Variants in COL4A1 observed in about 807,000 individuals in gnomAD.
The protein encoded by COL4A1 is collagen alpha-1(IV) chain.
A neutral mutation model predicts 216.6 loss-of-function variants in COL4A1; 40 were observed. That is an observed-to-expected ratio of 0.18 (90% CI 0.14 to 0.24). The LOEUF is 0.24. COL4A1 is among the 10% of genes least tolerant of loss of function. The pLI, the probability that COL4A1 is intolerant of heterozygous loss-of-function variation, is 1.00. For synonymous variants in COL4A1, 839 were observed against 810.7 expected (o/e 1.03, Z -0.59); for missense variants, 1,628 against 2,196.8 (o/e 0.74, Z 5.18).
At chr13:110,288,612 T>C (rs1004069386) in intron 1 of COL4A1, among the ~76,000 whole-genome samples, 5 of 152,234 alleles carry the variant, frequency 3.3e-5, no homozygotes, top group Non-Finnish European at 7.3e-5. Flanking sequence ...AATGAAATAA[T>C]GAACACTGAT....
chr13:110,234,577 A>T (rs1482465944), intron 2 of COL4A1, among the ~76,000 whole-genome samples: 1 of 152,096 alleles, frequency 6.6e-6, no homozygotes, highest in Admixed American at 6.6e-5. Flanking sequence ...GTGAGACTCC[A>T]TCTCAAAAAA....
At position 110,263,836 on chromosome 13, in the gene COL4A1, C is replaced by CT. The variant is rs1882923068; in HGVS notation, c.85-21103dup. Among the ~76,000 whole-genome samples the CT allele has an allele frequency of 2.0e-5, 3 of 152,210 alleles. No individual in the cohort carries two copies. In the East Asian group the frequency reaches 5.8e-4, roughly 29 times the overall value. The stretch of plus-strand genomic sequence containing the variant: ...AACTTTAAAGAAATGTAAGTTTAGG[C>CT]TATCAACATTAGGGCCAAGTAAAAA... On this transcript the variant is annotated intron_variant, in intron 1 of 51. Coordinates refer to ENST00000375820, the MANE Select transcript of COL4A1 (RefSeq NM_001845.6).
chr13:110,198,343 G>C (rs1025266747), intron 21 of COL4A1, 124 bp downstream of exon 21: 4 of 1,002,712 alleles, frequency 4.0e-6, no homozygotes, highest in Non-Finnish European at 6.0e-6. Flanking sequence ...TGGATGATTA[G>C]AAGAATCCAC....
At chr13:110,241,067 A>G (rs55698841) in intron 2 of COL4A1, among the ~76,000 whole-genome samples, 30,397 of 152,048 alleles carry the variant, frequency 0.2, 3,485 homozygotes, top group African/African-American at 0.3. Flanking sequence ...ACTGAGTTTC[A>G]CCGTGTTGGC....
At chr13:110,203,016 C>A (rs1437895354) in intron 18 of COL4A1, among the ~76,000 whole-genome samples, 4 of 152,016 alleles carry the variant, frequency 2.6e-5, no homozygotes, top group Non-Finnish European at 5.9e-5. Context: ...AGTTCGAGAC[C>A]AGCTTGGCCA....
rs185553351 is a variant in COL4A1 at position 110,264,620 on chromosome 13, A to G, written c.85-21886T>C. 1.3e-3 allele frequency among the ~76,000 whole-genome samples: 193 copies of G among 152,354 alleles called. 2 individuals carry two copies. Among genetic ancestry groups the G allele is most frequent in the Non-Finnish European group, 9.3e-4 (63 of 68,032 alleles). On this transcript the variant is annotated intron_variant, in intron 1 of 51. Transcript: ENST00000375820. ...CCAACTCTAGTTCCATACTTTAATT[A>G]AATCCAAAAGGTTTTAAAGAAGGAA...
intron 39 of COL4A1, 126 bp downstream of exon 39, chr13:110,174,320 T>C: frequency 1.9e-6 from 2 of 1,037,448 alleles, no homozygotes; most frequent in South Asian, 2.7e-5. Flanking sequence ...TTTGCCCATC[T>C]GAAGATGGGA....
At chr13:110,295,659 C>G (rs1458504583) in intron 1 of COL4A1, among the ~76,000 whole-genome samples, 4 of 152,174 alleles carry the variant, frequency 2.6e-5, no homozygotes, top group Admixed American at 2.6e-4. Flanking sequence ...CTCCTGACCT[C>G]AGGTGATCCA....
At chr13:110,229,035 G>A (rs1266466108) in intron 2 of COL4A1, among the ~76,000 whole-genome samples, 1 of 152,224 alleles carries the variant, frequency 6.6e-6, no homozygotes, top group Non-Finnish European at 1.5e-5. Context: ...CCCATCAGCA[G>A]ATGTGAAGAG....
Position 110,161,639 on chromosome 13 carries a change from T to A in COL4A1, c.4463-270A>T, listed in dbSNP as rs1186105743. Among the ~76,000 whole-genome samples, 3 of 151,728 alleles carry A rather than the reference T, an allele frequency of 2.0e-5. No homozygotes were observed. In the Admixed American group the frequency reaches 2.0e-4, roughly 10 times the overall value. On this transcript the variant is annotated intron_variant, in intron 48 of 51. Coordinates refer to ENST00000375820, the MANE Select transcript of COL4A1 (RefSeq NM_001845.6). ...ATGGATAGTAACAAATTGGGCAATG[T>A]CTTTCACAACAGTTTTGCAGAAAAT...
intron 1 of COL4A1, among the ~76,000 whole-genome samples, chr13:110,284,633 C>G (rs914183442): frequency 1.3e-5 from 2 of 152,126 alleles, no homozygotes; most frequent in Admixed American, 1.3e-4. Flanking sequence ...ATAGAGCAAG[C>G]AAAATATATT....
chr13:110,225,938 G>A (rs769555428), intron 2 of COL4A1, among the ~76,000 whole-genome samples: 25 of 152,182 alleles, frequency 1.6e-4, no homozygotes, highest in Non-Finnish European at 2.5e-4. Context: ...AAAATCAAAC[G>A]TGCTCAAGTA....
At chr13:110,217,585 C>G (rs756278520) in intron 2 of COL4A1, among the ~76,000 whole-genome samples, 5 of 152,284 alleles carry the variant, frequency 3.3e-5, no homozygotes, top group African/African-American at 9.6e-5. Flanking sequence ...AAGAAAGAAA[C>G]GAGAAACTTG....
At chr13:110,301,038 C>T (rs961211320) in intron 1 of COL4A1, among the ~76,000 whole-genome samples, 7 of 152,178 alleles carry the variant, frequency 4.6e-5, no homozygotes, top group Non-Finnish European at 7.4e-5. Flanking sequence ...TACTAAACCA[C>T]GGAATAAACT....
At chr13:110,256,225 G>A (rs1284563792) in intron 1 of COL4A1, among the ~76,000 whole-genome samples, 2 of 152,146 alleles carry the variant, frequency 1.3e-5, no homozygotes, top group African/African-American at 4.8e-5. Context: ...CAAGCGACAG[G>A]GTGAATAGGG....
At chr13:110,218,720 A>T (rs1295721680) in intron 2 of COL4A1, among the ~76,000 whole-genome samples, 4 of 152,188 alleles carry the variant, frequency 2.6e-5, no homozygotes, top group Non-Finnish European at 5.9e-5. Context: ...GCACCATTCC[A>T]GACTGGCTGG....
intron 1 of COL4A1, among the ~76,000 whole-genome samples, chr13:110,262,420 G>T (rs1882868114): frequency 6.6e-6 from 1 of 152,216 alleles, no homozygotes; most frequent in African/African-American, 2.4e-5. Flanking sequence ...TGTCCAACTG[G>T]AAGCTGACAC....
intron 2 of COL4A1, among the ~76,000 whole-genome samples, chr13:110,240,541 G>T (rs902766702): frequency 6.6e-6 from 1 of 152,264 alleles, no homozygotes; most frequent in East Asian, 1.9e-4. Context: ...CCCCACGCAG[G>T]CTCCAAGCCA....
intron 2 of COL4A1, among the ~76,000 whole-genome samples, chr13:110,225,169 G>C (rs1334504652): frequency 6.6e-6 from 1 of 152,174 alleles, no homozygotes; most frequent in Non-Finnish European, 1.5e-5. Context: ...AGGGTGTGCA[G>C]AGCCGCGTAC....
Sources: gnomAD v4.1 joint callset for allele counts (sites outside exome capture counted in the v4.1 genomes callset) on GRCh38, gnomAD v4.1.1 for gene constraint, MANE v1.5 for transcripts, NCBI Gene and HGNC (gene_info 2026-07-23, HGNC 2026-07-21) for gene names.